The following MOGS variants were observed in gnomAD, a reference collection of about 807,000 sequenced individuals.
The protein encoded by MOGS is epididymis secretory sperm binding protein.
In MOGS, 45 loss-of-function variants were observed where a neutral mutation model predicts 68.5. The ratio of observed to expected loss-of-function variants is 0.66; its 90% CI spans 0.52 to 0.84. The LOEUF is 0.84. MOGS is among the 40% of genes least tolerant of loss of function. The pLI is 0.00. For synonymous variants in MOGS, 492 were observed against 461.2 expected, an observed-to-expected ratio of 1.07 and a Z score of -0.86; for missense variants, 1,020 against 1,095.0, an observed-to-expected ratio of 0.93 and a Z score of 0.97.
rs1558564765 is a variant in MOGS, at chr2:74,461,735, T to TA, written c.2053dup (p.Tyr685LeufsTer62). 2 of 1,614,192 alleles carry TA rather than the reference T, an allele frequency of 1.2e-6. No individual in the cohort carries two copies. Among genetic ancestry groups the TA allele is most frequent in the Admixed American group, 1.7e-5 (1 of 60,010 alleles). The stretch of plus-strand genomic sequence containing the variant: ...ACTGACATAGCCAAGAGCATCTACA[T>TA]ACTGCAGTTGAGGTTGGGGCCGACC... On this transcript the variant is annotated frameshift_variant, in exon 4 of 4. Transcript: ENST00000448666. LOFTEE classifies it high-confidence loss of function.
chr2:74,463,657 AT>A, intron 2 of MOGS: 1 of 299,464 alleles, frequency 3.3e-6, no homozygotes, highest in South Asian at 4.1e-5. Context: ...ATTTCATTTA[AT>A]TCTTTTTTTT....
Position 74,464,582 on chromosome 2 carries a change from C to A in MOGS, c.493G>T (p.Ala165Ser). ...SFGRQHIQDG[A>S]LRLTTEFVKR... ...ACGAACTCAGTGGTGAGCCTTAAGG[C>A]CCCATCCTGGATGTGTTGGCGCCCG... The change falls in exon 2 of 4, where the codon GCC becomes TCC. Residue 165 changes from alanine (A) to serine (S), a missense_variant. Ala to Ser is a moderately conservative substitution (Grantham distance 99). Transcript: ENST00000448666. 1 of 1,614,106 alleles carries A rather than the reference C, an allele frequency of 6.2e-7. No individual in the cohort carries two copies. The highest frequency in any genetic ancestry group is 8.5e-7 in the Non-Finnish European group (1 of 1,180,012).
rs1386243705 is a variant in MOGS, at chr2:74,462,822, G to A, written c.967C>T (p.Gln323Ter). The change falls in exon 4 of 4, where the codon CAG (glutamine) becomes TAG (stop). Residue 323 changes from glutamine to a stop codon, truncating the protein, a stop_gained. Transcript: ENST00000448666. LOFTEE classifies it high-confidence loss of function. The part of the protein sequence containing the change: ...GQGQGQFLIQ[Q>*]VTLKIPISIE... ...GAAATGGGAATTTTCAGGGTCACCT[G>A]CTGTATCAAGAACTGCCCCTGCCCT... The A allele has an allele frequency of 1.2e-6, 2 of 1,614,230 alleles. No individual in the cohort carries two copies. The highest frequency in any genetic ancestry group is 1.1e-5 in the South Asian group (1 of 91,090).
Position 74,461,397 on chromosome 2 carries a change from G to A in MOGS, c.2392C>T (p.Gln798Ter). Residue 798 changes from glutamine (Q) to a stop codon, truncating the protein, a stop_gained, in exon 4 of 4, where the codon CAG (glutamine) becomes TAG (stop). Transcript: ENST00000448666. LOFTEE classifies it high-confidence loss of function. ...CAAAGAAAGCCTGTAGCCTGGTACT[G>A]GCGCCATACATTGCCTACCACGTTG... ...RANVVGNVWR[Q>*]YQATGFLWEQ... is the part of the protein sequence containing the mutation. 2 of 1,614,224 alleles carry A rather than the reference G, an allele frequency of 1.2e-6. No homozygotes were observed. Among genetic ancestry groups the A allele is most frequent in the Non-Finnish European group, 1.7e-6 (2 of 1,180,056 alleles).
Position 74,463,020 on chromosome 2 carries a change from G to A in MOGS, c.777-8C>T, listed in dbSNP as rs780530394. On this transcript the variant is annotated splice_polypyrimidine_tract_variant and splice_region_variant and intron_variant, in intron 3 of 3. Transcript: ENST00000448666. ...GTCCAGAAGACATTGTAGCTTGAAG[G>A]GGAGAAGATAAATAGGAAATATTAT... is the stretch of plus-strand genomic sequence containing the variant. 3 of 1,613,938 alleles carry A rather than the reference G, an allele frequency of 1.9e-6. No individual in the cohort carries two copies. The highest frequency in any genetic ancestry group is 2.5e-6 in the Non-Finnish European group (3 of 1,179,976).
In MOGS at chr2:74,465,084, A is replaced by G. The variant is rs1337265806; in HGVS notation, c.164T>C (p.Leu55Pro). The G allele has an allele frequency of 6.4e-7, 1 of 1,555,300 alleles. No individual in the cohort carries two copies. The highest frequency in any genetic ancestry group is 2.4e-5 in the East Asian group (1 of 41,278). ...CAGCACCCAGCGCCCCGACATACCC[A>G]GGGCCAAAGACAGGACCACGACGGC... ...ALAVVVLSLA[L>P]GMSGRWVLAW... Residue 55 changes from leucine to proline, a missense_variant, in exon 1 of 4, where the codon CTG (leucine) becomes CCG (proline). By Grantham distance (98) the Leu-to-Pro change is moderately conservative (BLOSUM62 -3). This residue lies in a region of MOGS where 569 missense variants were observed against 571.9 expected (regional missense o/e 0.99). Transcript: ENST00000448666.
Position 74,462,910 on chromosome 2 carries a change from G to GCC in MOGS, c.878_879insGG (p.Pro294AlafsTer12). ...CTGGCAAGCCGAGGTAGCGTTCAGG[G>GCC]GGGGCCCCTGGGGGCCGATGCTGAA... On this transcript the variant is annotated frameshift_variant, in exon 4 of 4. Transcript: ENST00000448666. LOFTEE classifies it high-confidence loss of function. 2 of 1,614,042 alleles carry GCC rather than the reference G, an allele frequency of 1.2e-6. No homozygotes were observed. Among genetic ancestry groups the GCC allele is most frequent in the Non-Finnish European group, 1.7e-6 (2 of 1,180,044 alleles).
In MOGS at chr2:74,465,278, C is replaced by A; in HGVS notation, c.-31G>T. 1 of 1,380,724 alleles carries A rather than the reference C, an allele frequency of 7.2e-7. No homozygotes were observed. The highest frequency in any genetic ancestry group is 1.8e-5 in the South Asian group (1 of 56,640). 85.5% of individuals were successfully genotyped at this position (1,380,724 alleles called of 1,614,324 possible). A position where few individuals can be genotyped will look rare whatever the true frequency, so the allele number is the denominator to read the frequency against. Reference sequence around the variant, plus strand: ...CACTGAGGTCCGCGTCACAAGAGCTCGGAGAGGCGGCAGTGGAGCCCGGGT... The same window carrying A: ...CACTGAGGTCCGCGTCACAAGAGCTAGGAGAGGCGGCAGTGGAGCCCGGGT... On this transcript the variant is annotated 5_prime_UTR_variant, in exon 1 of 4. Transcript: ENST00000448666.
rs759105950 is a variant in MOGS at position 74,461,363 on chromosome 2, T to C, written c.2426A>G (p.Tyr809Cys). Reference sequence around the variant, plus strand: ...CATGCCTCGCCCATCGCGGTCACTGTACTGCTCCCAAAGAAAGCCTGTAGC... The same window carrying C: ...CATGCCTCGCCCATCGCGGTCACTGCACTGCTCCCAAAGAAAGCCTGTAGC... ...YQATGFLWEQ[Y>C]SDRDGRGMGC... Residue 809 changes from tyrosine (Y) to cysteine (C), a missense_variant, in exon 4 of 4, where the codon TAC becomes TGC. Transcript: ENST00000448666. 2 of 1,614,130 alleles carry C rather than the reference T, an allele frequency of 1.2e-6. No individual in the cohort carries two copies. The highest frequency in any genetic ancestry group is 1.7e-6 in the Non-Finnish European group (2 of 1,180,044).
rs1488129625 is a variant in MOGS at position 74,464,894 on chromosome 2, A to G, written c.352+2T>C. 3.1e-6 allele frequency: 5 copies of G among 1,605,628 alleles called. No homozygotes were observed. The highest frequency in any genetic ancestry group is 3.4e-5 in the Admixed American group (2 of 58,982). On this transcript the variant is annotated splice_donor_variant, in intron 1 of 3. Coordinates refer to ENST00000448666, the MANE Select transcript of MOGS (RefSeq NM_006302.3). LOFTEE classifies it high-confidence loss of function. The stretch of plus-strand genomic sequence containing the variant: ...TGCCTGCCCGCCCTGGGGCCCGGTT[A>G]CCGGTGAGGAGGGGCTTCGGGCTGC...
chr2:74,464,550 C>A lies in MOGS; in HGVS notation c.525G>T (p.Arg175Ser), dbSNP rs780222746. 1.2e-6 allele frequency: 2 copies of A among 1,614,026 alleles called. No individual in the cohort carries two copies. Among genetic ancestry groups the A allele is most frequent in the Admixed American group, 1.7e-5 (1 of 60,000 alleles). ...AGTCCCCTCCGTGCTGACCCCCAGG[C>A]CTCTTGACGAACTCAGTGGTGAGCC... ...ALRLTTEFVK[R>S]PGGQHGGDWS... Residue 175 changes from arginine (R) to serine (S), a missense_variant, in exon 2 of 4, where the codon AGG becomes AGT. Arg to Ser is a moderately radical substitution (Grantham distance 110). This residue lies in a region of MOGS where 569 missense variants were observed against 571.9 expected (regional missense o/e 0.99). Coordinates refer to ENST00000448666, the MANE Select transcript of MOGS (RefSeq NM_006302.3).
At position 74,464,904 on chromosome 2, in the gene MOGS, A is replaced by T. The variant is rs1265589563; in HGVS notation, c.344T>A (p.Leu115His). ...FGMKTRSPKP[L>H]LTGLMWAQQG... Reference sequence around the variant, plus strand: ...CCCTGGGGCCCGGTTACCGGTGAGGAGGGGCTTCGGGCTGCGGGTCTTCAT... The same window carrying T: ...CCCTGGGGCCCGGTTACCGGTGAGGTGGGGCTTCGGGCTGCGGGTCTTCAT... Residue 115 changes from leucine to histidine, a missense_variant, in exon 1 of 4, where the codon CTC becomes CAC. Coordinates refer to ENST00000448666, the MANE Select transcript of MOGS (RefSeq NM_006302.3). 5 of 1,605,756 alleles carry T rather than the reference A, an allele frequency of 3.1e-6. No homozygotes were observed. Among genetic ancestry groups the T allele is most frequent in the South Asian group, 1.1e-5 (1 of 89,726 alleles).
chr2:74,462,250 T>TG lies in MOGS; in HGVS notation c.1538dup (p.Thr514AsnfsTer14), dbSNP rs767979163. On this transcript the variant is annotated frameshift_variant, in exon 4 of 4. Coordinates refer to ENST00000448666, the MANE Select transcript of MOGS (RefSeq NM_006302.3). LOFTEE classifies it high-confidence loss of function. ...TATGGGCTACAGGCAAAAGTAGGGTTGGGGGGTTGGCGTGGACTGCTCGTT... is the reference window on the plus strand; with the variant it reads ...TATGGGCTACAGGCAAAAGTAGGGTTGGGGGGGTTGGCGTGGACTGCTCGTT... The TG allele has an allele frequency of 1.2e-6, 2 of 1,613,854 alleles. No individual in the cohort carries two copies.
rs185765407 is a variant in MOGS, at chr2:74,461,166, G to A, written c.*109C>T. 1,589 of 1,236,732 alleles carry A rather than the reference G, an allele frequency of 1.3e-3. 8 individuals are homozygous for A. The Middle Eastern group carries it at 0.014, about 11-fold the overall frequency. 76.6% of individuals were successfully genotyped at this position (1,236,732 alleles called of 1,614,324 possible). ...AAGGAGACACCTGAGATGAAATGAG[G>A]AAGGTTTGAATTACTGGTATCCAAG... On this transcript the variant is annotated 3_prime_UTR_variant, in exon 4 of 4. Coordinates refer to ENST00000448666, the MANE Select transcript of MOGS (RefSeq NM_006302.3).
Position 74,461,295 on chromosome 2 carries a change from C to T in MOGS, c.2494G>A (p.Ala832Thr). The T allele has an allele frequency of 6.2e-7, 1 of 1,614,128 alleles. No individual in the cohort carries two copies. Among genetic ancestry groups the T allele is most frequent in the Non-Finnish European group, 8.5e-7 (1 of 1,180,046 alleles). The change falls in exon 4 of 4, where the codon GCC becomes ACC. Residue 832 changes from alanine (A) to threonine (T), a missense_variant. Physicochemically the swap from Ala to Thr is moderately conservative, Grantham distance 58. This residue lies in a region of MOGS where 270 missense variants were observed against 261.3 expected (regional missense o/e 1.03). Coordinates refer to ENST00000448666, the MANE Select transcript of MOGS (RefSeq NM_006302.3). ...FHGWTSLVLL[A>T]MAEDY The stretch of plus-strand genomic sequence containing the variant: ...TCCCTTCAGTAGTCTTCAGCCATGG[C>T]CAGTAAGACAAGGCTGGTCCAGCCG...
At chr2:74,463,089 T>C in intron 3 of MOGS, 77 bp from the exon 4 acceptor site, 1 of 1,610,404 alleles carries the variant, frequency 6.2e-7, no homozygotes, top group Admixed American at 1.7e-5. Context: ...TACAAAGTGT[T>C]CAGGAGTCAG....
At chr2:74,463,906 G>T (rs1438683477) in intron 2 of MOGS, among the ~76,000 whole-genome samples, 2 of 150,236 alleles carry the variant, frequency 1.3e-5, no homozygotes, top group Admixed American at 6.6e-5. Context: ...CTCATGATCC[G>T]CCCGCCTCAG....
Position 74,465,004 on chromosome 2 carries a change from G to C in MOGS, c.244C>G (p.Pro82Ala). The C allele has an allele frequency of 6.4e-7, 1 of 1,556,804 alleles. No homozygotes were observed. Among genetic ancestry groups the C allele is most frequent in the South Asian group, 1.2e-5 (1 of 84,782 alleles). The change falls in exon 1 of 4, where the codon CCT becomes GCT. Residue 82 changes from proline (P) to alanine (A), a missense_variant. Transcript: ENST00000448666. ...ACGGCGGGGCTGGAGGAGTCGGCAGGCAACACAGGAGGCGCGGAGTGCAGC... is the reference window on the plus strand; with the variant it reads ...ACGGCGGGGCTGGAGGAGTCGGCAGCCAACACAGGAGGCGCGGAGTGCAGC... ...VTLHSAPPVL[P>A]ADSSSPAVAP...
intron 3 of MOGS, 33 bp from the exon 4 acceptor site, chr2:74,463,045 T>C: frequency 1.2e-6 from 2 of 1,613,584 alleles, no homozygotes; most frequent in South Asian, 2.2e-5. Flanking sequence ...GGAAATATTA[T>C]TCAAGAGAAG....
Sources: gnomAD v4.1 joint callset for allele counts (sites outside exome capture counted in the v4.1 genomes callset) on GRCh38, gnomAD v4.1.1 for gene constraint, gnomAD v4.1.1 regional missense constraint, MANE v1.5 for transcripts, NCBI Gene and HGNC (gene_info 2026-07-23, HGNC 2026-07-21) for gene names.